SHROOM3: variants seen among roughly 807,000 people sequenced by gnomAD.
The protein encoded by SHROOM3 is shroom family member 3.
A neutral mutation model predicts 138.6 loss-of-function variants in SHROOM3; 47 were observed. The ratio of observed to expected loss-of-function variants is 0.34; its 90% CI spans 0.27 to 0.43. The LOEUF (loss-of-function observed/expected upper bound fraction) is 0.43, where lower values mean the gene tolerates loss of function less well. SHROOM3 is among the 20% of genes least tolerant of loss of function. SHROOM3 has a pLI of 1.00. For missense variants in SHROOM3, 2,491 were observed against 2,596.5 expected (o/e 0.96, Z 0.88); for synonymous variants, 1,062 against 1,063.3 (o/e 1.00, Z 0.02).
intron 8 of SHROOM3, among the ~76,000 whole-genome samples, chr4:76,757,814 A>T (rs1031229671): frequency 6.6e-6 from 1 of 152,192 alleles, no homozygotes; most frequent in Admixed American, 6.5e-5. Context: ...AAAGACTACT[A>T]TGAGAAAGAC....
chr4:76,570,508 C>G (rs1733813872), intron 2 of SHROOM3, among the ~76,000 whole-genome samples: 1 of 152,172 alleles, frequency 6.6e-6, no homozygotes, highest in Admixed American at 6.6e-5. Flanking sequence ...ACCTTTCCAT[C>G]ACTGTCTCAA....
At chr4:76,510,118 G>A (rs1362335572) in intron 1 of SHROOM3, among the ~76,000 whole-genome samples, 1 of 152,026 alleles carries the variant, frequency 6.6e-6, no homozygotes, top group East Asian at 1.9e-4. Context: ...TTTAGACCCC[G>A]TACTTTTCCT....
intron 2 of SHROOM3, among the ~76,000 whole-genome samples, chr4:76,616,400 G>A (rs1734877429): frequency 6.6e-6 from 1 of 152,170 alleles, no homozygotes; most frequent in Non-Finnish European, 1.5e-5. Context: ...AAAGGTGGAA[G>A]CAACCAAGTG....
At chr4:76,534,662 G>A (rs1371297135) in intron 1 of SHROOM3, among the ~76,000 whole-genome samples, 1 of 152,046 alleles carries the variant, frequency 6.6e-6, no homozygotes, top group Non-Finnish European at 1.5e-5. Flanking sequence ...CAGCCCTTCA[G>A]GGTAAGCAGC....
chr4:76,500,998 G>T (rs1447713277), intron 1 of SHROOM3, among the ~76,000 whole-genome samples: 2 of 152,040 alleles, frequency 1.3e-5, no homozygotes, highest in Non-Finnish European at 2.9e-5. Context: ...TTGTAGAGAT[G>T]GGGGGTGGTG....
chr4:76,687,706 C>G (rs1433810709), intron 2 of SHROOM3, among the ~76,000 whole-genome samples: 2 of 152,194 alleles, frequency 1.3e-5, no homozygotes, highest in Non-Finnish European at 1.5e-5. Context: ...ATCTATGTTA[C>G]AAAGGAAGCC....
intron 2 of SHROOM3, among the ~76,000 whole-genome samples, chr4:76,623,015 CAA>C (rs1433967474): frequency 2.0e-5 from 3 of 152,126 alleles, no homozygotes; most frequent in Non-Finnish European, 4.4e-5. Flanking sequence ...ATGCATTAGG[CAA>C]AAGATTATGA....
chr4:76,474,378 C>G (rs1233310562), intron 1 of SHROOM3, among the ~76,000 whole-genome samples: 1 of 152,046 alleles, frequency 6.6e-6, no homozygotes, highest in African/African-American at 2.4e-5. Context: ...GATTGTAAGA[C>G]TGAATATGTT....
intron 1 of SHROOM3, among the ~76,000 whole-genome samples, chr4:76,531,341 A>T (rs910459381): frequency 6.6e-6 from 1 of 152,206 alleles, no homozygotes. Context: ...ACACAAATTG[A>T]TGGTGCCCCT....
chr4:76,694,565 TGTGCAAGTA>T (rs1719666037), intron 2 of SHROOM3, among the ~76,000 whole-genome samples: 1 of 152,240 alleles, frequency 6.6e-6, no homozygotes, highest in Non-Finnish European at 1.5e-5. Context: ...GGTCAGAGAC[TGTGCAAGTA>T]GAATGACCTA....
intron 2 of SHROOM3, among the ~76,000 whole-genome samples, chr4:76,561,413 C>G (rs772494703): frequency 6.6e-6 from 1 of 151,840 alleles, no homozygotes; most frequent in African/African-American, 2.4e-5. Context: ...TATGACTTGC[C>G]CATGTAGAGG....
intron 3 of SHROOM3, among the ~76,000 whole-genome samples, chr4:76,726,351 C>T (rs1049479986): frequency 1.3e-5 from 2 of 151,956 alleles, no homozygotes; most frequent in Non-Finnish European, 2.9e-5. Flanking sequence ...GTTCATTCTC[C>T]TCAAGTCACT....
At chr4:76,545,584 C>G (rs1733197328) in intron 1 of SHROOM3, among the ~76,000 whole-genome samples, 2 of 152,158 alleles carry the variant, frequency 1.3e-5, no homozygotes, top group South Asian at 2.1e-4. Context: ...AAATTTCTTC[C>G]TCTTGGTCTC....
intron 2 of SHROOM3, among the ~76,000 whole-genome samples, chr4:76,707,704 G>C (rs1039216201): frequency 7.9e-5 from 12 of 152,138 alleles, no homozygotes; most frequent in Non-Finnish European, 1.2e-4. Flanking sequence ...AACAATTCCA[G>C]GGCCCTGGTT....
Position 76,497,678 on chromosome 4 carries a change from T to C in SHROOM3, c.169-57931T>C, listed in dbSNP as rs376453629. On this transcript the variant is annotated intron_variant, in intron 1 of 10. Coordinates refer to ENST00000296043, the MANE Select transcript of SHROOM3 (RefSeq NM_020859.4). ...TTCGAGACCAGCCTGGCCAACATGG[T>C]GAAACCCTGTCTCTACTAAAAATAC... Among the ~76,000 whole-genome samples the C allele has an allele frequency of 1.7e-3, 263 of 152,078 alleles. 1 individual carries two copies. Among genetic ancestry groups the C allele is most frequent in the African/African-American group, 6.0e-3 (251 of 41,492 alleles).
chr4:76,537,747 G>A (rs746135747), intron 1 of SHROOM3, among the ~76,000 whole-genome samples: 46 of 152,112 alleles, frequency 3.0e-4, no homozygotes, highest in South Asian at 6.2e-4. Context: ...CCTCACAGGG[G>A]GCATTGGGGG....
At chr4:76,540,529 T>C (rs1408098688) in intron 1 of SHROOM3, among the ~76,000 whole-genome samples, 1 of 152,138 alleles carries the variant, frequency 6.6e-6, no homozygotes, top group Non-Finnish European at 1.5e-5. Context: ...AATGAACAAG[T>C]AGATTTTTTT....
At chr4:76,441,678 C>T (rs1381486771) in intron 1 of SHROOM3, among the ~76,000 whole-genome samples, 2 of 152,062 alleles carry the variant, frequency 1.3e-5, no homozygotes, top group Admixed American at 6.6e-5. Context: ...TGCATTCATT[C>T]TTCTTTCCTC....
chr4:76,492,739 A>G (rs1731879406), intron 1 of SHROOM3, among the ~76,000 whole-genome samples: 1 of 152,174 alleles, frequency 6.6e-6, no homozygotes, highest in African/African-American at 2.4e-5. Context: ...ATACACGTGA[A>G]CTTAGACTTT....
Sources: allele counts gnomAD v4.1 joint callset (sites outside exome capture counted in the v4.1 genomes callset), GRCh38; gene constraint gnomAD v4.1.1; transcripts MANE v1.5; gene names NCBI Gene and HGNC (gene_info 2026-07-23, HGNC 2026-07-21).